DACH2: variants seen among roughly 807,000 people sequenced by gnomAD.
The protein encoded by DACH2 is dachshund homolog 2.
A neutral mutation model predicts 35.8 loss-of-function variants in DACH2; 17 were observed. That is an observed-to-expected ratio of 0.48 (90% CI 0.33 to 0.71). DACH2 has a LOEUF of 0.71. Among genes scored for constraint, DACH2 ranks in the 30% least tolerant of loss-of-function variants. The pLI is 0.02. For synonymous variants in DACH2, 195 were observed against 177.3 expected (o/e 1.10, Z -0.79); for missense variants, 469 against 472.7 (o/e 0.99, Z 0.07).
At chrX:86,735,672 T>C (rs977852072) in intron 6 of DACH2, among the ~76,000 whole-genome samples, 2 of 111,516 alleles carry the variant, frequency 1.8e-5, no homozygotes, top group Non-Finnish European at 3.8e-5. Flanking sequence ...ATTTTGGAAA[T>C]CTCTGTCCTT....
intron 3 of DACH2, among the ~76,000 whole-genome samples, chrX:86,614,332 A>G (rs1162635983): frequency 7.2e-5 from 8 of 111,801 alleles, no homozygotes; most frequent in Admixed American, 9.5e-5. Flanking sequence ...TTGTAATAAT[A>G]TACTCAGATT....
At chrX:86,255,111 C>T (rs1338560939) in intron 1 of DACH2, among the ~76,000 whole-genome samples, 5 of 109,662 alleles carry the variant, frequency 4.6e-5, no homozygotes, top group Non-Finnish European at 9.5e-5. Context: ...TCTTTCCTGC[C>T]ACTGAGATGA....
rs1162341585 is a variant in DACH2, at chrX:86,456,039, C to A, written c.528-58240C>A. Among the ~76,000 whole-genome samples the A allele has an allele frequency of 2.7e-5, 3 of 112,219 alleles. 1 individual carries two copies. Among genetic ancestry groups the A allele is most frequent in the Middle Eastern group, 8.3e-3 (2 of 240 alleles). ...CTTGGGAGAAGCATGGTTTCCCTGG[C>A]AGGGTAGCACAATCACTCACCACTT... On this transcript the variant is annotated intron_variant, in intron 2 of 11. Transcript: ENST00000373125.
chrX:86,471,456 T>G lies in DACH2; in HGVS notation c.528-42823T>G, dbSNP rs2037759658. On this transcript the variant is annotated intron_variant, in intron 2 of 11. Coordinates refer to ENST00000373125, the MANE Select transcript of DACH2 (RefSeq NM_053281.3). ...TTAAATTCTGCTGTGCTTTTTCACCTAGGAAATAGTTTCCTCCCTTTATGC... is the reference window on the plus strand; with the variant it reads ...TTAAATTCTGCTGTGCTTTTTCACCGAGGAAATAGTTTCCTCCCTTTATGC... 2.7e-5 allele frequency among the ~76,000 whole-genome samples: 3 copies of G among 111,505 alleles called. No individual in the cohort carries two copies. The South Asian group carries it at 1.1e-3, about 41-fold the overall frequency.
At chrX:86,690,995 C>A (rs2041003967) in intron 4 of DACH2, among the ~76,000 whole-genome samples, 1 of 112,070 alleles carries the variant, frequency 8.9e-6, no homozygotes, top group Admixed American at 9.5e-5. Context: ...CCATTTTCTA[C>A]ATTATCTTTA....
intron 5 of DACH2, among the ~76,000 whole-genome samples, chrX:86,714,179 A>G (rs1159607106): frequency 3.6e-5 from 4 of 111,981 alleles, no homozygotes; most frequent in African/African-American, 9.7e-5. Context: ...CAACACATCA[A>G]TGCATTATTG....
chrX:86,294,194 G>A (rs192062256), intron 1 of DACH2, among the ~76,000 whole-genome samples: 2 of 110,994 alleles, frequency 1.8e-5, no homozygotes, highest in South Asian at 3.8e-4. Flanking sequence ...TCACTGATAC[G>A]CTTTCTTCCA....
At chrX:86,266,764 AT>A (rs1360381769) in intron 1 of DACH2, among the ~76,000 whole-genome samples, 1 of 111,969 alleles carries the variant, frequency 8.9e-6, no homozygotes, top group Non-Finnish European at 1.9e-5. Flanking sequence ...GTTATGAAAA[AT>A]AAGTTGTACT....
chrX:86,286,321 G>A (rs1447860013), intron 1 of DACH2, among the ~76,000 whole-genome samples: 1 of 108,798 alleles, frequency 9.2e-6, no homozygotes, highest in Non-Finnish European at 1.9e-5. Flanking sequence ...TAGTAGAGAC[G>A]GGGTTTCACC....
intron 7 of DACH2, among the ~76,000 whole-genome samples, chrX:86,803,282 T>G (rs746533017): frequency 1.4e-4 from 16 of 111,866 alleles, no homozygotes; most frequent in Non-Finnish European, 2.6e-4. Flanking sequence ...ATGCTTTAAA[T>G]TTTTTTGCTC....
rs187034378 is a variant in DACH2, at chrX:86,318,940, C to T, written c.489-57884C>T. Among the ~76,000 whole-genome samples the T allele has an allele frequency of 2.3e-3, 256 of 112,174 alleles. 2 individuals are homozygous for T. Among genetic ancestry groups the T allele is most frequent in the African/African-American group, 7.0e-3 (218 of 30,937 alleles). On this transcript the variant is annotated intron_variant, in intron 1 of 11. Transcript: ENST00000373125. Reference sequence around the variant, plus strand: ...CCACTCATCAGCTTTTTCTATTACACGAAAAGCATGTTCAAGAGAGGAAGT... The same window carrying T: ...CCACTCATCAGCTTTTTCTATTACATGAAAAGCATGTTCAAGAGAGGAAGT...
At chrX:86,745,019 G>A (rs1252417620) in intron 7 of DACH2, among the ~76,000 whole-genome samples, 2 of 110,377 alleles carry the variant, frequency 1.8e-5, no homozygotes, top group Non-Finnish European at 3.8e-5. Context: ...TTTTGCACTG[G>A]GAAGTAAATG....
intron 6 of DACH2, among the ~76,000 whole-genome samples, chrX:86,737,407 A>T (rs2041607412): frequency 8.9e-6 from 1 of 112,256 alleles, no homozygotes; most frequent in Admixed American, 9.5e-5. Flanking sequence ...ATATACATTT[A>T]AAATTATTGC....
intron 6 of DACH2, among the ~76,000 whole-genome samples, chrX:86,724,025 T>C (rs1386315571): frequency 9.0e-6 from 1 of 111,664 alleles, no homozygotes; most frequent in East Asian, 2.8e-4. Context: ...GAAAGTTTCT[T>C]GTTACCAGCA....
chrX:86,811,091 G>T (rs1304637919), intron 7 of DACH2, among the ~76,000 whole-genome samples: 1 of 111,946 alleles, frequency 8.9e-6, no homozygotes, highest in African/African-American at 3.2e-5. Flanking sequence ...ATTATTTAAG[G>T]TCAATAAACA....
chrX:86,228,907 C>T (rs960106612), intron 1 of DACH2, among the ~76,000 whole-genome samples: 1 of 111,375 alleles, frequency 9.0e-6, no homozygotes, highest in Non-Finnish European at 1.9e-5. Flanking sequence ...TTCTCCTATT[C>T]TGTGGGTTGT....
At chrX:86,477,554 T>G (rs1282882497) in intron 2 of DACH2, among the ~76,000 whole-genome samples, 1 of 109,233 alleles carries the variant, frequency 9.2e-6, no homozygotes. Flanking sequence ...TATGTGTTTC[T>G]ATATAGGTGA....
At chrX:86,271,834 CT>C (rs2033818167) in intron 1 of DACH2, among the ~76,000 whole-genome samples, 1 of 111,475 alleles carries the variant, frequency 9.0e-6, no homozygotes, top group Non-Finnish European at 1.9e-5. Context: ...ACTAAATGTA[CT>C]TTTTGATTTG....
intron 2 of DACH2, among the ~76,000 whole-genome samples, chrX:86,492,046 TAA>T (rs2038101741): frequency 8.9e-6 from 1 of 112,046 alleles, no homozygotes; most frequent in Non-Finnish European, 1.9e-5. Flanking sequence ...TTTGATTATA[TAA>T]GTTTGACTAT....
Sources: gnomAD v4.1 joint callset for allele counts (sites outside exome capture counted in the v4.1 genomes callset) on GRCh38, gnomAD v4.1.1 for gene constraint, MANE v1.5 for transcripts, NCBI Gene and HGNC (gene_info 2026-07-23, HGNC 2026-07-21) for gene names.